The following ZNF804B variants were observed in gnomAD, a reference collection of about 807,000 sequenced individuals.
The protein encoded by ZNF804B is zinc finger protein 804B.
Under a neutral mutation model 101.4 loss-of-function variants are expected in ZNF804B, and 80 were observed. That is an observed-to-expected ratio of 0.79 (90% CI 0.66 to 0.95). The LOEUF (loss-of-function observed/expected upper bound fraction) is 0.95. Ranked by LOEUF, ZNF804B falls within the 40% of genes least tolerant of loss-of-function variation. ZNF804B has a pLI of 0.00. For missense variants in ZNF804B, 1,673 were observed against 1,561.9 expected, an observed-to-expected ratio of 1.07 and a Z score of -1.20; for synonymous variants, 622 against 558.8, an observed-to-expected ratio of 1.11 and a Z score of -1.59.
intron 1 of ZNF804B, among the ~76,000 whole-genome samples, chr7:88,848,174 T>A (rs962084597): frequency 6.6e-6 from 1 of 152,096 alleles, no homozygotes; most frequent in Admixed American, 6.6e-5. Context: ...CAGGACATCC[T>A]CCACAGCAAA....
At chr7:89,031,030 G>T (rs1339328202) in intron 1 of ZNF804B, among the ~76,000 whole-genome samples, 1 of 151,814 alleles carries the variant, frequency 6.6e-6, no homozygotes, top group Non-Finnish European at 1.5e-5. Context: ...GGGGCTGGGG[G>T]GTTGGGGGAG....
At chr7:89,086,406 C>T (rs1037347926) in intron 1 of ZNF804B, among the ~76,000 whole-genome samples, 11 of 151,930 alleles carry the variant, frequency 7.2e-5, no homozygotes, top group African/African-American at 2.7e-4. Context: ...TATCTTTAAT[C>T]ATATCTCACT....
At chr7:89,132,398 A>C (rs1240226813) in intron 1 of ZNF804B, among the ~76,000 whole-genome samples, 1 of 152,044 alleles carries the variant, frequency 6.6e-6, no homozygotes, top group African/African-American at 2.4e-5. Context: ...GGAAGTGAGG[A>C]AATTTCAAGA....
chr7:89,295,221 AT>A (rs1790363319), intron 2 of ZNF804B, among the ~76,000 whole-genome samples: 1 of 152,016 alleles, frequency 6.6e-6, no homozygotes, highest in African/African-American at 2.4e-5. Flanking sequence ...ATCTGGGCCC[AT>A]TTTTATATTT....
chr7:88,760,209 C>A, intron 1 of ZNF804B, 125 bp downstream of exon 1: 1 of 730,418 alleles, frequency 1.4e-6, no homozygotes, highest in Non-Finnish European at 2.4e-6. Context: ...ATACCTTATC[C>A]ATAGGTATGG....
intron 1 of ZNF804B, among the ~76,000 whole-genome samples, chr7:88,865,225 T>C (rs1468833397): frequency 1.0e-5 from 1 of 97,190 alleles, no homozygotes; most frequent in Non-Finnish European, 1.8e-5. Flanking sequence ...CAAGACTTCG[T>C]ATCAAAAAAA....
intron 2 of ZNF804B, among the ~76,000 whole-genome samples, chr7:89,316,201 T>C (rs1398753870): frequency 2.0e-5 from 3 of 152,060 alleles, no homozygotes; most frequent in East Asian, 1.9e-4. Context: ...AAGGGAAATA[T>C]AAAAATGAAG....
intron 1 of ZNF804B, among the ~76,000 whole-genome samples, chr7:88,868,055 G>A (rs1210006811): frequency 1.5e-5 from 2 of 130,336 alleles, no homozygotes; most frequent in South Asian, 4.9e-4. Flanking sequence ...GTGAGTGTGT[G>A]TGTGTGTGTG....
chr7:89,181,005 T>TG (rs1024706171), intron 1 of ZNF804B, among the ~76,000 whole-genome samples: 2 of 151,206 alleles, frequency 1.3e-5, no homozygotes, highest in Admixed American at 6.6e-5. Context: ...TGGTCTGAAA[T>TG]GGGGGCCTTA....
intron 1 of ZNF804B, among the ~76,000 whole-genome samples, chr7:89,089,143 A>C (rs1488140234): frequency 6.6e-6 from 1 of 150,928 alleles, no homozygotes; most frequent in Non-Finnish European, 1.5e-5. Flanking sequence ...TGAAGATTAC[A>C]TGCAGTTCCC....
At chr7:89,122,449 C>T (rs1790421297) in intron 1 of ZNF804B, among the ~76,000 whole-genome samples, 1 of 152,120 alleles carries the variant, frequency 6.6e-6, no homozygotes, top group Non-Finnish European at 1.5e-5. Context: ...TTTAGAATTA[C>T]CAGTGGGAGA....
At chr7:88,941,373 C>T (rs528156377) in intron 1 of ZNF804B, among the ~76,000 whole-genome samples, 74 of 151,968 alleles carry the variant, frequency 4.9e-4, no homozygotes, top group African/African-American at 1.8e-3. Flanking sequence ...AGATGTCCTT[C>T]GTTGAGTGGA....
chr7:89,064,720 A>G (rs1209404988), intron 1 of ZNF804B, among the ~76,000 whole-genome samples: 3 of 152,174 alleles, frequency 2.0e-5, no homozygotes, highest in Non-Finnish European at 2.9e-5. Flanking sequence ...GTAGGTGCCT[A>G]TAGCAAACTG....
At chr7:89,025,033 C>T (rs1788727864) in intron 1 of ZNF804B, among the ~76,000 whole-genome samples, 1 of 152,054 alleles carries the variant, frequency 6.6e-6, no homozygotes, top group Non-Finnish European at 1.5e-5. Context: ...GATTTGCTCA[C>T]TTATACCACT....
At chr7:89,282,710 T>C (rs553963541) in intron 2 of ZNF804B, among the ~76,000 whole-genome samples, 1 of 152,258 alleles carries the variant, frequency 6.6e-6, no homozygotes, top group Non-Finnish European at 1.5e-5. Context: ...GTCCTTATAA[T>C]AAGAGGCAGA....
Position 88,795,051 on chromosome 7 carries a change from CAAAA to C in ZNF804B, c.108+34975_108+34978del, listed in dbSNP as rs35996371. 1.1e-5 allele frequency: 8 copies of C among 741,530 alleles called. No individual in the cohort carries two copies. The African/African-American group carries it at 1.5e-4, about 13-fold the overall frequency. 45.9% of individuals were successfully genotyped at this position (741,530 alleles called of 1,614,324 possible). On this transcript the variant is annotated intron_variant, in intron 1 of 3. Transcript: ENST00000333190. The stretch of plus-strand genomic sequence containing the variant: ...GAACTCGTGTTTTTATTTCTTCTGA[CAAAA>C]AAAAAAAGAGTAAATCACGGTTTGT...
intron 1 of ZNF804B, among the ~76,000 whole-genome samples, chr7:88,960,448 G>A (rs1186762704): frequency 6.6e-6 from 1 of 151,114 alleles, no homozygotes; most frequent in East Asian, 2.0e-4. Flanking sequence ...AAGGCTTCTA[G>A]GAGAAAAAGT....
At chr7:88,845,161 A>G (rs989712521) in intron 1 of ZNF804B, among the ~76,000 whole-genome samples, 3 of 152,222 alleles carry the variant, frequency 2.0e-5, no homozygotes, top group Admixed American at 1.3e-4. Flanking sequence ...TGCCTTAGCC[A>G]GATCAGTTCT....
chr7:89,003,914 T>C (rs1788328246), intron 1 of ZNF804B, among the ~76,000 whole-genome samples: 1 of 151,996 alleles, frequency 6.6e-6, no homozygotes, highest in Admixed American at 6.6e-5. Flanking sequence ...TGTTTGTGAG[T>C]GCCATAGTTT....
Sources: allele counts gnomAD v4.1 joint callset (sites outside exome capture counted in the v4.1 genomes callset), GRCh38; gene constraint gnomAD v4.1.1; transcripts MANE v1.5; gene names NCBI Gene and HGNC (gene_info 2026-07-23, HGNC 2026-07-21).